ITGBL1: variants seen among roughly 807,000 people sequenced by gnomAD.
ITGBL1 encodes integrin beta-like protein 1.
ITGBL1 carries 51 observed loss-of-function variants against 68.5 expected under a neutral mutation model. The ratio of observed to expected loss-of-function variants is 0.74; its 90% CI spans 0.59 to 0.94. The LOEUF (loss-of-function observed/expected upper bound fraction) is 0.94. ITGBL1 is among the 40% of genes least tolerant of loss of function. The pLI, the probability that ITGBL1 is intolerant of heterozygous loss-of-function variation, is 0.00. For missense variants in ITGBL1, 649 were observed against 647.4 expected (o/e 1.00, Z -0.03); for synonymous variants, 209 against 227.3 (o/e 0.92, Z 0.72).
chr13:101,657,589 G>T (rs1268320804), intron 7 of ITGBL1, among the ~76,000 whole-genome samples: 10 of 152,106 alleles, frequency 6.6e-5, no homozygotes, highest in Admixed American at 6.5e-4. Context: ...AACTCTAATG[G>T]TGTTGTTGTA....
intron 2 of ITGBL1, among the ~76,000 whole-genome samples, chr13:101,542,170 C>T (rs1239795882): frequency 6.6e-6 from 1 of 152,162 alleles, no homozygotes; most frequent in Non-Finnish European, 1.5e-5. Flanking sequence ...TTAGATCTTT[C>T]CTGCTTTCTC....
chr13:101,704,852 C>G (rs1434320484), intron 8 of ITGBL1, among the ~76,000 whole-genome samples: 5 of 151,718 alleles, frequency 3.3e-5, no homozygotes, highest in Non-Finnish European at 7.4e-5. Flanking sequence ...TTGTTTGTTT[C>G]TTTGTTTGTT....
intron 2 of ITGBL1, among the ~76,000 whole-genome samples, chr13:101,491,555 G>T (rs1054218402): frequency 2.6e-5 from 4 of 152,098 alleles, no homozygotes; most frequent in Non-Finnish European, 4.4e-5. Flanking sequence ...ACATTCTTCT[G>T]ATGATTTTTA....
intron 7 of ITGBL1, among the ~76,000 whole-genome samples, chr13:101,642,394 A>G (rs1359554194): frequency 6.6e-6 from 1 of 152,128 alleles, no homozygotes; most frequent in African/African-American, 2.4e-5. Context: ...TCCTTCGCCC[A>G]CTTGTTGATG....
intron 2 of ITGBL1, among the ~76,000 whole-genome samples, chr13:101,549,418 T>A (rs2049883475): frequency 6.6e-6 from 1 of 151,804 alleles, no homozygotes; most frequent in African/African-American, 2.4e-5. Context: ...ATTCATAAAT[T>A]AAATAATTTT....
At chr13:101,611,178 A>G (rs889667367) in intron 7 of ITGBL1, among the ~76,000 whole-genome samples, 1 of 152,192 alleles carries the variant, frequency 6.6e-6, no homozygotes, top group South Asian at 2.1e-4. Context: ...AGAGCTCTCT[A>G]TGTCATAATT....
intron 7 of ITGBL1, among the ~76,000 whole-genome samples, chr13:101,663,171 A>T (rs940612612): frequency 2.0e-5 from 3 of 152,210 alleles, no homozygotes; most frequent in Admixed American, 1.3e-4. Context: ...TTATATGTAC[A>T]TTACATAGTA....
chr13:101,604,198 AT>A (rs2030555101), intron 7 of ITGBL1, among the ~76,000 whole-genome samples: 1 of 151,886 alleles, frequency 6.6e-6, no homozygotes, highest in Non-Finnish European at 1.5e-5. Context: ...TTGTCTCTAA[AT>A]TTTTTAATAT....
intron 7 of ITGBL1, among the ~76,000 whole-genome samples, chr13:101,618,505 A>C (rs2031455645): frequency 6.6e-6 from 1 of 152,220 alleles, no homozygotes; most frequent in East Asian, 1.9e-4. Context: ...AATTCAAACA[A>C]CCAGAAACAA....
At chr13:101,484,464 A>G (rs2048672416) in intron 2 of ITGBL1, among the ~76,000 whole-genome samples, 1 of 152,190 alleles carries the variant, frequency 6.6e-6, no homozygotes, top group Non-Finnish European at 1.5e-5. Flanking sequence ...GTTTCTGGAT[A>G]TGAAAACCAC....
chr13:101,541,790 G>A (rs1320458990), intron 2 of ITGBL1, among the ~76,000 whole-genome samples: 3 of 152,158 alleles, frequency 2.0e-5, no homozygotes, highest in Admixed American at 1.3e-4. Flanking sequence ...TTGGGAGGAT[G>A]TATGTGTCGA....
chr13:101,623,119 T>C (rs560787489), intron 7 of ITGBL1, among the ~76,000 whole-genome samples: 2 of 152,278 alleles, frequency 1.3e-5, no homozygotes, highest in East Asian at 3.9e-4. Context: ...TTAACTAGGA[T>C]AAATATTATT....
chr13:101,484,302 A>G (rs2048670214), intron 2 of ITGBL1, among the ~76,000 whole-genome samples: 1 of 152,140 alleles, frequency 6.6e-6, no homozygotes, highest in Admixed American at 6.5e-5. Flanking sequence ...GAACTGAATG[A>G]TAATGATTTC....
chr13:101,485,537 G>A (rs1446027191), intron 2 of ITGBL1, among the ~76,000 whole-genome samples: 1 of 152,148 alleles, frequency 6.6e-6, no homozygotes, highest in Non-Finnish European at 1.5e-5. Context: ...AGGTGCGGTG[G>A]TTCACGTCGG....
chr13:101,705,091 A>G (rs940198105), intron 8 of ITGBL1, among the ~76,000 whole-genome samples: 2 of 151,930 alleles, frequency 1.3e-5, no homozygotes, highest in Admixed American at 1.3e-4. Context: ...TTCCCAGAAT[A>G]TTTTTTAAAA....
chr13:101,598,853 G>A (rs2030165661), intron 7 of ITGBL1, among the ~76,000 whole-genome samples: 1 of 152,088 alleles, frequency 6.6e-6, no homozygotes, highest in Non-Finnish European at 1.5e-5. Flanking sequence ...CATTTGAGTT[G>A]GTTCCAAGTC....
intron 2 of ITGBL1, among the ~76,000 whole-genome samples, chr13:101,466,338 C>G (rs2048381850): frequency 1.3e-5 from 2 of 152,184 alleles, no homozygotes; most frequent in African/African-American, 4.8e-5. Context: ...AGTATCTGTG[C>G]TTTTCAAATT....
At chr13:101,466,915 C>T (rs1433667745) in intron 2 of ITGBL1, among the ~76,000 whole-genome samples, 2 of 152,122 alleles carry the variant, frequency 1.3e-5, no homozygotes, top group Non-Finnish European at 2.9e-5. Context: ...ATACCCTAGA[C>T]TGAGTAATTT....
At chr13:101,542,558 G>T in intron 2 of ITGBL1, among the ~76,000 whole-genome samples, 1 of 152,132 alleles carries the variant, frequency 6.6e-6, no homozygotes, top group Admixed American at 6.5e-5. Context: ...GAGTTCTGTA[G>T]ATGTCTATTA....
Sources: gnomAD v4.1 joint callset for allele counts (sites outside exome capture counted in the v4.1 genomes callset) on GRCh38, gnomAD v4.1.1 for gene constraint, MANE v1.5 for transcripts, NCBI Gene and HGNC (gene_info 2026-07-23, HGNC 2026-07-21) for gene names.